OR1J2: variants seen among roughly 807,000 people sequenced by gnomAD.
The protein encoded by OR1J2 is olfactory receptor family 1 subfamily J member 2.
For synonymous variants in OR1J2, 142 were observed against 99.7 expected, an observed-to-expected ratio of 1.42 and a Z score of -2.52; for missense variants, 304 against 246.1, an observed-to-expected ratio of 1.24 and a Z score of -1.57.
the OR1J2 span, among the ~76,000 whole-genome samples, chr9:122,532,374 G>A: frequency 6.6e-6 from 1 of 152,188 alleles, no homozygotes; most frequent in Admixed American, 6.5e-5. Flanking sequence ...GATTAGGCCT[G>A]GTGGAACCGC....
downstream of OR1J2, among the ~76,000 whole-genome samples, chr9:122,515,096 T>A (rs1226174016): frequency 6.6e-6 from 1 of 152,142 alleles, no homozygotes; most frequent in Non-Finnish European, 1.5e-5. Context: ...TTGTGCCCTG[T>A]CCCCTTGTGT....
chr9:122,462,932 A>C, the OR1J2 span, among the ~76,000 whole-genome samples: 7 of 152,142 alleles, frequency 4.6e-5, no homozygotes, highest in Non-Finnish European at 1.0e-4. Context: ...TGCATTTCCC[A>C]GTGTTCTTTG....
At chr9:122,479,235 C>T in the OR1J2 span, among the ~76,000 whole-genome samples, 19 of 152,138 alleles carry the variant, frequency 1.2e-4, no homozygotes, top group African/African-American at 3.9e-4. Context: ...CAGTGGATTT[C>T]AGCCATCTCA....
At chr9:122,514,208 A>G (rs180825310), downstream of OR1J2, among the ~76,000 whole-genome samples, 1 of 152,246 alleles carries the variant, frequency 6.6e-6, no homozygotes, top group Non-Finnish European at 1.5e-5. Flanking sequence ...ATATTGCATG[A>G]TGCTGAGGTT....
At chr9:122,490,066 A>G in the OR1J2 span, among the ~76,000 whole-genome samples, 2 of 152,196 alleles carry the variant, frequency 1.3e-5, no homozygotes, top group Non-Finnish European at 2.9e-5. Flanking sequence ...AATTCATCTG[A>G]TAACATAAGT....
At chr9:122,519,544 T>C in the OR1J2 span, 8 of 1,614,006 alleles carry the variant, frequency 5.0e-6, no homozygotes, top group South Asian at 7.7e-5. Context: ...TACACCACTA[T>C]CATGAAAGAG....
At chr9:122,571,326 C>T in the OR1J2 span, among the ~76,000 whole-genome samples, 92 of 151,686 alleles carry the variant, frequency 6.1e-4, 1 homozygote, top group Non-Finnish European at 4.4e-4. Flanking sequence ...CTGAGGCAGG[C>T]GGATCACAAG....
chr9:122,579,909 A>G, the OR1J2 span, among the ~76,000 whole-genome samples: 16,813 of 152,202 alleles, frequency 0.11, 1,110 homozygotes, highest in South Asian at 0.18. Flanking sequence ...ACTTAAGCGC[A>G]ATAATAATCT....
chr9:122,542,225 C>G, the OR1J2 span, among the ~76,000 whole-genome samples: 1 of 152,106 alleles, frequency 6.6e-6, no homozygotes, highest in African/African-American at 2.4e-5. Flanking sequence ...TTATTCAATT[C>G]TCTGTTGAAT....
the OR1J2 span, among the ~76,000 whole-genome samples, chr9:122,552,533 G>T: frequency 0.046 from 6,937 of 152,038 alleles, 225 homozygotes; most frequent in Middle Eastern, 0.078. Flanking sequence ...TGTCCTATTT[G>T]TATGCGTGTG....
upstream of OR1J2, among the ~76,000 whole-genome samples, chr9:122,506,644 A>G (rs908947229): frequency 1.3e-5 from 2 of 152,254 alleles, no homozygotes; most frequent in East Asian, 3.9e-4. Flanking sequence ...CCTCTCAGCA[A>G]TAGATGAGTT....
chr9:122,496,966 G>A, the OR1J2 span, among the ~76,000 whole-genome samples: 1 of 152,028 alleles, frequency 6.6e-6, no homozygotes, highest in South Asian at 2.1e-4. Context: ...GGGGAAAGCC[G>A]GCAGGTGAGA....
At chr9:122,531,871 T>C in the OR1J2 span, among the ~76,000 whole-genome samples, 1 of 152,170 alleles carries the variant, frequency 6.6e-6, no homozygotes, top group East Asian at 1.9e-4. Flanking sequence ...TCTTAGAACC[T>C]GTGGGAAAGG....
the OR1J2 span, among the ~76,000 whole-genome samples, chr9:122,471,879 T>C: frequency 1.3e-5 from 2 of 152,146 alleles, no homozygotes; most frequent in Non-Finnish European, 2.9e-5. Flanking sequence ...TATACTTGGG[T>C]TTGGGCCAAA....
At chr9:122,476,592 A>G in the OR1J2 span, among the ~76,000 whole-genome samples, 68 of 152,362 alleles carry the variant, frequency 4.5e-4, no homozygotes, top group Non-Finnish European at 7.8e-4. Flanking sequence ...CAAGTGAGCT[A>G]TATTTTCAAT....
the OR1J2 span, among the ~76,000 whole-genome samples, chr9:122,548,723 C>T: frequency 6.7e-6 from 1 of 149,522 alleles, no homozygotes. Flanking sequence ...AGGTATATCT[C>T]CTAATGCTAT....
chr9:122,519,741 A>C, the OR1J2 span: 2 of 1,614,032 alleles, frequency 1.2e-6, no homozygotes, highest in South Asian at 1.1e-5. Flanking sequence ...GGTCATTTTC[A>C]CAGTGGGACA....
At chr9:122,532,638 T>C in the OR1J2 span, among the ~76,000 whole-genome samples, 1 of 149,004 alleles carries the variant, frequency 6.7e-6, no homozygotes, top group Non-Finnish European at 1.5e-5. Context: ...AAAATAGATT[T>C]TGGAAATTAT....
chr9:122,510,868 C>T lies in OR1J2; in HGVS notation c.67C>T (p.Gln23Ter). Residue 23 changes from glutamine (Q) to a stop codon, truncating the protein, a stop_gained, in exon 1 of 1, where the codon CAG becomes TAG. Transcript: ENST00000335302. LOFTEE classifies it low-confidence loss of function (END_TRUNC). The stretch of plus-strand genomic sequence containing the variant: ...TCTGGGCCTCCCCATCCGGCCAGAG[C>T]AGCAGGCTGTGTTCTTCACCCTGTT... ...LLLGLPIRPEQQAVFFTLFLG... is the reference protein window; with the variant it reads ...LLLGLPIRPE 6.2e-7 allele frequency: 1 copy of T among 1,611,104 alleles called. No homozygotes were observed.
Sources: gnomAD v4.1 joint callset for allele counts (sites outside exome capture counted in the v4.1 genomes callset) on GRCh38, gnomAD v4.1.1 for gene constraint, MANE v1.5 for transcripts, NCBI Gene and HGNC (gene_info 2026-07-23, HGNC 2026-07-21) for gene names.